The following SMG6 variants were observed in gnomAD, a reference collection of about 807,000 sequenced individuals.
The protein encoded by SMG6 is SMG6 nonsense mediated mRNA decay factor, also known as telomerase-binding protein EST1A.
A neutral mutation model predicts 142.2 loss-of-function variants in SMG6; 66 were observed. The ratio of observed to expected loss-of-function variants is 0.46; its 90% CI spans 0.38 to 0.57. SMG6 has a LOEUF of 0.57. Ranked by LOEUF, SMG6 falls within the 20% of genes least tolerant of loss-of-function variation. SMG6 has a pLI of 0.00. For synonymous variants in SMG6, 779 were observed against 702.4 expected, an observed-to-expected ratio of 1.11 and a Z score of -1.72; for missense variants, 1,793 against 1,832.0, an observed-to-expected ratio of 0.98 and a Z score of 0.39.
rs1212660580 is a variant in SMG6 at position 2,081,832 on chromosome 17, T to C, written c.3659A>G (p.Gln1220Arg). 2 of 1,613,852 alleles carry C rather than the reference T, an allele frequency of 1.2e-6. No homozygotes were observed. Among genetic ancestry groups the C allele is most frequent in the Admixed American group, 3.3e-5 (2 of 60,024 alleles). The stretch of plus-strand genomic sequence containing the variant: ...CACCTGGATCTTTTCCTGGCGACGC[T>C]GCTGCTCAGCTATCTTCCTGGCCAG... ...LALARKIAEQQRRQEKIQAVL... is the reference protein window; with the variant it reads ...LALARKIAEQRRRQEKIQAVL... The change falls in exon 15 of 19, where the codon CAG (glutamine) becomes CGG (arginine). Residue 1220 changes from glutamine to arginine, a missense_variant. This residue lies in a region of SMG6 where 1,597 missense variants were observed against 1,584.6 expected (regional missense o/e 1.01). Coordinates refer to ENST00000263073, the MANE Select transcript of SMG6 (RefSeq NM_017575.5).
chr17:2,236,748 CACACCAG>C, intron 9 of SMG6, 111 bp from the exon 10 acceptor site: 1 of 979,530 alleles, frequency 1.0e-6, no homozygotes, highest in Non-Finnish European at 1.4e-6. Context: ...CACACACACA[CACACCAG>C]ACAACTACTG....
At chr17:2,156,695 C>A (rs1020501034) in intron 13 of SMG6, among the ~76,000 whole-genome samples, 12 of 152,202 alleles carry the variant, frequency 7.9e-5, no homozygotes, top group African/African-American at 2.6e-4. Context: ...TGCTGTGTAA[C>A]CCAGGCTACA....
chr17:2,268,387 G>A (rs991763544), intron 8 of SMG6, among the ~76,000 whole-genome samples: 8 of 152,194 alleles, frequency 5.3e-5, no homozygotes, highest in Non-Finnish European at 1.2e-4. Context: ...GGAATTAGAT[G>A]TGTACCACTC....
At chr17:2,205,879 G>A (rs1420027371) in intron 10 of SMG6, among the ~76,000 whole-genome samples, 2 of 152,112 alleles carry the variant, frequency 1.3e-5, no homozygotes, top group East Asian at 3.9e-4. Context: ...CGCAATCTCA[G>A]CTCACTGCAA....
intron 10 of SMG6, among the ~76,000 whole-genome samples, chr17:2,192,862 GAGACAAAAAC>G (rs1567672494): frequency 1.3e-5 from 2 of 152,172 alleles, no homozygotes; most frequent in African/African-American, 4.8e-5. Flanking sequence ...GTATAGGAAC[GAGACAAAAAC>G]AAAATCTCAG....
At chr17:2,255,370 C>G (rs1277312364) in intron 8 of SMG6, among the ~76,000 whole-genome samples, 1 of 129,424 alleles carries the variant, frequency 7.7e-6, no homozygotes, top group Non-Finnish European at 1.6e-5. Context: ...CGCCACTGCA[C>G]TCCAGCCTGG....
chr17:2,081,199 A>C (rs568589341), intron 15 of SMG6, among the ~76,000 whole-genome samples: 1 of 152,150 alleles, frequency 6.6e-6, no homozygotes, highest in Admixed American at 6.5e-5. Flanking sequence ...GCCCTAGAGG[A>C]CAGCAAACGG....
At chr17:2,300,713 T>C in intron 1 of SMG6, 49 bp from the exon 2 acceptor site, 1 of 1,482,240 alleles carries the variant, frequency 6.7e-7, no homozygotes, top group Non-Finnish European at 9.0e-7. Context: ...AAGATAAGAA[T>C]AAAGAAGGAA....
chr17:2,091,357 GAC>G (rs2068709497), intron 13 of SMG6, among the ~76,000 whole-genome samples: 1 of 152,348 alleles, frequency 6.6e-6, no homozygotes, highest in East Asian at 1.9e-4. Flanking sequence ...TCAGTCTGAA[GAC>G]ACAGGCAGTA....
At chr17:2,107,550 C>A (rs556029875) in intron 13 of SMG6, among the ~76,000 whole-genome samples, 1 of 152,282 alleles carries the variant, frequency 6.6e-6, no homozygotes, top group East Asian at 1.9e-4. Flanking sequence ...CTCTGGGCCT[C>A]TAGGTAGCTG....
intron 10 of SMG6, among the ~76,000 whole-genome samples, chr17:2,224,020 T>C (rs754105687): frequency 9.2e-5 from 14 of 152,118 alleles, no homozygotes; most frequent in Non-Finnish European, 2.1e-4. Flanking sequence ...GACACCTAGA[T>C]CCATTCTCCC....
intron 10 of SMG6, among the ~76,000 whole-genome samples, chr17:2,222,392 C>T (rs191538051): frequency 1.3e-5 from 2 of 151,910 alleles, no homozygotes; most frequent in Admixed American, 6.6e-5. Flanking sequence ...GGATGCAGAA[C>T]ATTCCAAACA....
At chr17:2,191,365 G>C (rs1317364462) in intron 10 of SMG6, among the ~76,000 whole-genome samples, 1 of 152,098 alleles carries the variant, frequency 6.6e-6, no homozygotes, top group South Asian at 2.1e-4. Flanking sequence ...CTAGATCTAG[G>C]AAACTGGCCC....
Position 2,061,574 on chromosome 17 carries a change from C to T in SMG6, c.4178G>A (p.Arg1393Gln). The T allele has an allele frequency of 6.4e-7, 1 of 1,572,696 alleles. No individual in the cohort carries two copies. The highest frequency in any genetic ancestry group is 8.6e-7 in the Non-Finnish European group (1 of 1,158,730). Residue 1393 changes from arginine (R) to glutamine (Q), a missense_variant, in exon 19 of 19, where the codon CGG (arginine) becomes CAG (glutamine). Arg to Gln is a conservative substitution (Grantham distance 43, BLOSUM62 1). This residue lies in a region of SMG6 where 179 missense variants were observed against 212.6 expected (regional missense o/e 0.84). Transcript: ENST00000263073. ...LREVVLLTDDRNLRVKALTRN... is the reference protein window; with the variant it reads ...LREVVLLTDDQNLRVKALTRN... ...TGTGAGCGCCTTCACACGCAGGTTC[C>T]GGTCATCCGTCAACAGCACCACCTC...
At chr17:2,253,119 T>A (rs957761281) in intron 8 of SMG6, among the ~76,000 whole-genome samples, 1 of 130,652 alleles carries the variant, frequency 7.7e-6, no homozygotes, top group African/African-American at 3.0e-5. Context: ...AAATATTTTA[T>A]TTTATTTATT....
At chr17:2,119,669 T>A (rs1037055912) in intron 13 of SMG6, among the ~76,000 whole-genome samples, 1 of 152,002 alleles carries the variant, frequency 6.6e-6, no homozygotes, top group South Asian at 2.1e-4. Flanking sequence ...CCAGCTAATT[T>A]ATTTTTTTTT....
chr17:2,172,873 G>A lies in SMG6; in HGVS notation c.3156-14C>T. On this transcript the variant is annotated splice_polypyrimidine_tract_variant and intron_variant, in intron 12 of 18. Coordinates refer to ENST00000263073, the MANE Select transcript of SMG6 (RefSeq NM_017575.5). ...TCCACAGCAACACTGTGAGAAATAAGGTAAGAAAAGAGCAGCTCTAAAGAG... is the reference window on the plus strand; with the variant it reads ...TCCACAGCAACACTGTGAGAAATAAAGTAAGAAAAGAGCAGCTCTAAAGAG... 6.2e-7 allele frequency: 1 copy of A among 1,613,088 alleles called. No individual in the cohort carries two copies. Among genetic ancestry groups the A allele is most frequent in the Non-Finnish European group, 8.5e-7 (1 of 1,179,158 alleles).
chr17:2,108,100 G>T (rs2069203231), intron 13 of SMG6, among the ~76,000 whole-genome samples: 1 of 151,876 alleles, frequency 6.6e-6, no homozygotes, highest in Non-Finnish European at 1.5e-5. Context: ...TACATCCAAT[G>T]CCTCAAAATA....
At chr17:2,172,489 T>C (rs529887045) in intron 13 of SMG6, among the ~76,000 whole-genome samples, 169 bp downstream of exon 13, 11 of 152,170 alleles carry the variant, frequency 7.2e-5, no homozygotes, top group African/African-American at 2.2e-4. Context: ...CTTTTTTTTT[T>C]CAGGACACAG....
Sources: gnomAD v4.1 joint callset for allele counts (sites outside exome capture counted in the v4.1 genomes callset) on GRCh38, gnomAD v4.1.1 for gene constraint, gnomAD v4.1.1 regional missense constraint, MANE v1.5 for transcripts, NCBI Gene and HGNC (gene_info 2026-07-23, HGNC 2026-07-21) for gene names.